CTNNA3: variants seen among roughly 807,000 people sequenced by gnomAD.
CTNNA3 encodes catenin alpha-3.
In CTNNA3, 76 loss-of-function variants were observed where a neutral mutation model predicts 95.7. The observed-to-expected ratio is 0.79, with a 90% CI of 0.66 to 0.96. CTNNA3 has a LOEUF of 0.96. Ranked by LOEUF, CTNNA3 falls within the 40% of genes least tolerant of loss-of-function variation. CTNNA3 has a pLI of 0.00. For missense variants in CTNNA3, 1,191 were observed against 1,089.8 expected, an observed-to-expected ratio of 1.09 and a Z score of -1.31; for synonymous variants, 431 against 374.4, an observed-to-expected ratio of 1.15 and a Z score of -1.74.
chr10:67,566,389 G>T (rs1451230098), intron 3 of CTNNA3, among the ~76,000 whole-genome samples: 1 of 151,580 alleles, frequency 6.6e-6, no homozygotes, highest in Non-Finnish European at 1.5e-5. Flanking sequence ...CTCAAAAGAA[G>T]ACATTTATGC....
chr10:66,510,857 T>C (rs1341025483), intron 11 of CTNNA3, among the ~76,000 whole-genome samples: 1 of 151,802 alleles, frequency 6.6e-6, no homozygotes, highest in East Asian at 1.9e-4. Context: ...TTTTCTTTTT[T>C]TGTTGTGCCC....
intron 13 of CTNNA3, among the ~76,000 whole-genome samples, chr10:66,150,400 T>C (rs1808022059): frequency 6.6e-6 from 1 of 152,154 alleles, no homozygotes; most frequent in South Asian, 2.1e-4. Context: ...GGTATGTCTT[T>C]ATCAGCAGTG....
At chr10:67,236,584 C>T (rs1053819324) in intron 5 of CTNNA3, among the ~76,000 whole-genome samples, 12 of 151,576 alleles carry the variant, frequency 7.9e-5, no homozygotes, top group East Asian at 5.8e-4. Flanking sequence ...GTGGGTGTGG[C>T]GCGCCAACAT....
intron 5 of CTNNA3, among the ~76,000 whole-genome samples, chr10:67,435,339 A>T (rs532682864): frequency 6.6e-6 from 1 of 152,166 alleles, no homozygotes; most frequent in African/African-American, 2.4e-5. Flanking sequence ...ACCTTAATGT[A>T]ATAAAAGCCA....
chr10:66,133,215 C>G (rs1295881770), intron 13 of CTNNA3, among the ~76,000 whole-genome samples: 1 of 152,032 alleles, frequency 6.6e-6, no homozygotes, highest in African/African-American at 2.4e-5. Context: ...TGGAATAAAA[C>G]TTGTGGGAAA....
At chr10:65,959,225 T>C (rs575998545) in intron 17 of CTNNA3, among the ~76,000 whole-genome samples, 14 of 152,328 alleles carry the variant, frequency 9.2e-5, no homozygotes, top group African/African-American at 3.4e-4. Context: ...GTGCGCCATT[T>C]GCTAAGACCA....
chr10:66,826,178 G>A (rs936606279), intron 7 of CTNNA3, among the ~76,000 whole-genome samples: 2 of 152,116 alleles, frequency 1.3e-5, no homozygotes, highest in Admixed American at 6.5e-5. Flanking sequence ...TCAATCTTAC[G>A]AAAATTGTAC....
intron 7 of CTNNA3, among the ~76,000 whole-genome samples, chr10:66,988,818 T>G (rs191843169): frequency 6.6e-6 from 1 of 152,146 alleles, no homozygotes; most frequent in Non-Finnish European, 1.5e-5. Flanking sequence ...CAATAGATCA[T>G]TATAAACCTC....
At chr10:66,732,498 G>A (rs928506801) in intron 9 of CTNNA3, among the ~76,000 whole-genome samples, 1 of 152,176 alleles carries the variant, frequency 6.6e-6, no homozygotes, top group Non-Finnish European at 1.5e-5. Context: ...CAGCATGGCT[G>A]AGGAGGCCTA....
intron 5 of CTNNA3, among the ~76,000 whole-genome samples, chr10:67,383,226 T>G (rs1844016056): frequency 6.6e-6 from 1 of 152,180 alleles, no homozygotes. Flanking sequence ...TAAAATAAAT[T>G]TCTAAACAGG....
intron 14 of CTNNA3, among the ~76,000 whole-genome samples, chr10:66,097,779 T>C (rs568536363): frequency 1.3e-5 from 2 of 152,138 alleles, no homozygotes; most frequent in Admixed American, 1.3e-4. Context: ...AATAATTTCC[T>C]AAGTCTCTAC....
intron 5 of CTNNA3, among the ~76,000 whole-genome samples, chr10:67,238,928 C>A (rs1865610235): frequency 6.6e-6 from 1 of 151,682 alleles, no homozygotes; most frequent in African/African-American, 2.4e-5. Context: ...AGGAAACAGA[C>A]AAATGAATAA....
intron 13 of CTNNA3, among the ~76,000 whole-genome samples, chr10:66,136,710 G>GAGAGTAACACAAC: frequency 3.7e-5 from 1 of 27,224 alleles, no homozygotes; most frequent in Non-Finnish European, 6.6e-5. Context: ...GAGTTTAGAA[G>GAGAGTAACACAAC]AGAGCATTGT....
intron 7 of CTNNA3, chr10:67,097,778 T>C: frequency 6.2e-7 from 1 of 1,612,286 alleles, no homozygotes; most frequent in Non-Finnish European, 8.5e-7. Flanking sequence ...TCAGTGACCA[T>C]AAACAGCAGC....
chr10:67,008,659 C>A (rs1852147026), intron 7 of CTNNA3, among the ~76,000 whole-genome samples: 1 of 152,154 alleles, frequency 6.6e-6, no homozygotes, highest in African/African-American at 2.4e-5. Context: ...CTGGCTCTTA[C>A]AAGCTTGTTG....
In CTNNA3 at chr10:66,599,654, G is replaced by A. The variant is rs887665371; in HGVS notation, c.1374+22038C>T. On this transcript the variant is annotated intron_variant, in intron 10 of 17. Coordinates refer to ENST00000433211, the MANE Select transcript of CTNNA3 (RefSeq NM_013266.4). Reference sequence around the variant, plus strand: ...ACTTTTTTTTTAATTGGGTGGGAATGAGTGACCTCAAAGTGTCTTAGGAAA... The same window carrying A: ...ACTTTTTTTTTAATTGGGTGGGAATAAGTGACCTCAAAGTGTCTTAGGAAA... Among the ~76,000 whole-genome samples, 6 of 151,712 alleles carry A rather than the reference G, an allele frequency of 4.0e-5. No individual in the cohort carries two copies. In the East Asian group the frequency reaches 1.2e-3, roughly 29 times the overall value.
At chr10:67,245,532 T>G (rs1252406983) in intron 5 of CTNNA3, among the ~76,000 whole-genome samples, 1 of 152,114 alleles carries the variant, frequency 6.6e-6, no homozygotes, top group Non-Finnish European at 1.5e-5. Context: ...TGATCACACA[T>G]GCAAAAAGTT....
chr10:67,309,149 T>C (rs1176318829), intron 5 of CTNNA3, among the ~76,000 whole-genome samples: 1 of 152,196 alleles, frequency 6.6e-6, no homozygotes, highest in Non-Finnish European at 1.5e-5. Context: ...ACATGATTAA[T>C]GCACTCTATT....
chr10:67,112,446 T>C (rs2131972912), intron 7 of CTNNA3, among the ~76,000 whole-genome samples: 1 of 152,282 alleles, frequency 6.6e-6, no homozygotes, highest in East Asian at 1.9e-4. Context: ...TACATTTATG[T>C]AATCACTATA....
Sources: allele counts gnomAD v4.1 joint callset (sites outside exome capture counted in the v4.1 genomes callset), GRCh38; gene constraint gnomAD v4.1.1; transcripts MANE v1.5; gene names NCBI Gene and HGNC (gene_info 2026-07-23, HGNC 2026-07-21).